SMAP1: variants seen among roughly 807,000 people sequenced by gnomAD.
SMAP1 encodes small ArfGAP 1.
A neutral mutation model predicts 58.5 loss-of-function variants in SMAP1; 24 were observed. The ratio of observed to expected loss-of-function variants is 0.41; its 90% CI spans 0.30 to 0.58. The LOEUF (loss-of-function observed/expected upper bound fraction) is 0.58. Ranked by LOEUF, SMAP1 falls within the 20% of genes least tolerant of loss-of-function variation. The pLI, the probability that SMAP1 is intolerant of heterozygous loss-of-function variation, is 0.29. For synonymous variants in SMAP1, 216 were observed against 196.6 expected, an observed-to-expected ratio of 1.10 and a Z score of -0.82; for missense variants, 563 against 566.3, an observed-to-expected ratio of 0.99 and a Z score of 0.06.
At chr6:70,790,075 A>G (rs1266371043) in intron 4 of SMAP1, among the ~76,000 whole-genome samples, 1 of 152,186 alleles carries the variant, frequency 6.6e-6, no homozygotes. Flanking sequence ...ACTTTTCATG[A>G]GCTTGGGCAA....
chr6:70,715,549 C>T (rs1054295371), intron 1 of SMAP1, among the ~76,000 whole-genome samples: 1 of 152,080 alleles, frequency 6.6e-6, no homozygotes, highest in Admixed American at 6.6e-5. Flanking sequence ...CTGATAATGC[C>T]TATATTGTGA....
chr6:70,698,387 G>A (rs887034591), intron 1 of SMAP1, among the ~76,000 whole-genome samples: 4 of 151,952 alleles, frequency 2.6e-5, no homozygotes, highest in East Asian at 3.9e-4. Context: ...GTCTTATTTC[G>A]GTTAAATCTG....
At chr6:70,674,871 AG>A (rs1766411824) in intron 1 of SMAP1, among the ~76,000 whole-genome samples, 1 of 152,184 alleles carries the variant, frequency 6.6e-6, no homozygotes, top group African/African-American at 2.4e-5. Context: ...GCTACTCGGG[AG>A]ACTGAGGCAG....
Position 70,773,445 on chromosome 6 carries a change from C to G in SMAP1, c.414+20C>G. 7.1e-7 allele frequency: 1 copy of G among 1,407,550 alleles called. No individual in the cohort carries two copies. The highest frequency in any genetic ancestry group is 9.8e-7 in the Non-Finnish European group (1 of 1,016,322). The allele number at this position is 1,407,550 out of a possible 1,614,324, so 87.2% of individuals were successfully genotyped here. ...ACAAATGTAAGTAAAACCTTCATCTCTCATCAATTGTTTGTTGACTAGATT... is the reference window on the plus strand; with the variant it reads ...ACAAATGTAAGTAAAACCTTCATCTGTCATCAATTGTTTGTTGACTAGATT... On this transcript the variant is annotated intron_variant, in intron 4 of 10. Transcript: ENST00000370455.
chr6:70,855,730 G>A (rs1764805015), intron 8 of SMAP1, among the ~76,000 whole-genome samples: 1 of 152,172 alleles, frequency 6.6e-6, no homozygotes, highest in South Asian at 2.1e-4. Flanking sequence ...ATGGGGGCAG[G>A]CTCTAGTCCT....
chr6:70,841,374 T>C (rs1402201561), intron 7 of SMAP1, among the ~76,000 whole-genome samples: 1 of 152,192 alleles, frequency 6.6e-6, no homozygotes, highest in African/African-American at 2.4e-5. Flanking sequence ...CAGAGTTGTA[T>C]GTGTCGGGTG....
intron 5 of SMAP1, among the ~76,000 whole-genome samples, chr6:70,795,004 G>T (rs1466147869): frequency 6.6e-6 from 1 of 151,920 alleles, no homozygotes; most frequent in Non-Finnish European, 1.5e-5. Flanking sequence ...TAGCCCGGAT[G>T]GTCTCGATTT....
chr6:70,741,797 G>C (rs576960818), intron 2 of SMAP1, among the ~76,000 whole-genome samples: 52 of 152,302 alleles, frequency 3.4e-4, no homozygotes, highest in African/African-American at 1.2e-3. Context: ...TGGACATCCA[G>C]GTATTTCCAT....
chr6:70,712,202 A>G (rs913324119), intron 1 of SMAP1, among the ~76,000 whole-genome samples: 4 of 152,200 alleles, frequency 2.6e-5, no homozygotes, highest in Non-Finnish European at 4.4e-5. Flanking sequence ...TGTGGCTTGT[A>G]TCATTCATTC....
At chr6:70,810,916 A>G (rs1582236005) in intron 6 of SMAP1, among the ~76,000 whole-genome samples, 1 of 151,948 alleles carries the variant, frequency 6.6e-6, no homozygotes, top group Admixed American at 6.6e-5. Flanking sequence ...AGCATAATTT[A>G]CCTTCCACTG....
At chr6:70,695,729 T>C (rs1767374536) in intron 1 of SMAP1, among the ~76,000 whole-genome samples, 1 of 152,142 alleles carries the variant, frequency 6.6e-6, no homozygotes, top group Non-Finnish European at 1.5e-5. Context: ...CATCAGGATA[T>C]TGGCTTCCTT....
chr6:70,756,050 AAT>A (rs1766476538), intron 3 of SMAP1, among the ~76,000 whole-genome samples: 1 of 152,038 alleles, frequency 6.6e-6, no homozygotes, highest in African/African-American at 2.4e-5. Context: ...AAAACATTTT[AAT>A]ATGTTTTTTA....
At position 70,732,380 on chromosome 6, in the gene SMAP1, C is replaced by A; in HGVS notation, c.121C>A (p.Pro41Thr). The A allele has an allele frequency of 6.2e-7, 1 of 1,602,426 alleles. No individual in the cohort carries two copies. The highest frequency in any genetic ancestry group is 1.1e-5 in the South Asian group (1 of 88,086). The stretch of plus-strand genomic sequence containing the variant: ...TGTGGTTTCTTCTTCTAAATTAGGT[C>A]CTCGATGGGCTTCCTGGAATATTGG... ...KYCADCEAKG[P>T]RWASWNIGVF... is the part of the protein sequence containing the mutation. The change falls in exon 2 of 11, where the codon CCT (proline) becomes ACT (threonine). Residue 41 changes from proline (P) to threonine (T), a missense_variant and splice_region_variant. Coordinates refer to ENST00000370455, the MANE Select transcript of SMAP1 (RefSeq NM_001044305.3).
intron 3 of SMAP1, chr6:70,759,822 A>T (rs879648366): frequency 1.2e-5 from 5 of 434,720 alleles, no homozygotes; most frequent in African/African-American, 2.0e-5. Flanking sequence ...TTGACGTTCG[A>T]CACAGTGAAG....
intron 6 of SMAP1, among the ~76,000 whole-genome samples, chr6:70,804,655 T>C (rs1002904112): frequency 2.0e-5 from 3 of 152,212 alleles, no homozygotes; most frequent in African/African-American, 7.2e-5. Context: ...TTTCCATGTT[T>C]AGTGCTTCCT....
At chr6:70,729,244 C>T (rs955809825) in intron 1 of SMAP1, among the ~76,000 whole-genome samples, 4 of 151,938 alleles carry the variant, frequency 2.6e-5, no homozygotes, top group African/African-American at 9.7e-5. Flanking sequence ...TCAAGACCAT[C>T]CTGGCTAACA....
chr6:70,807,098 A>G (rs766220760), intron 6 of SMAP1, among the ~76,000 whole-genome samples: 18 of 152,238 alleles, frequency 1.2e-4, no homozygotes, highest in African/African-American at 3.6e-4. Context: ...ATCCCATACT[A>G]TGCTAACTAG....
At chr6:70,717,152 C>T (rs950362628) in intron 1 of SMAP1, among the ~76,000 whole-genome samples, 1 of 152,142 alleles carries the variant, frequency 6.6e-6, no homozygotes, top group African/African-American at 2.4e-5. Flanking sequence ...TCTTGAGATG[C>T]AGGTGGGAAG....
At position 70,668,050 on chromosome 6, in the gene SMAP1, G is replaced by A. The variant is rs779102248; in HGVS notation, c.27G>A (p.Lys9=). Residue 9 remains lysine, a synonymous_variant, in exon 1 of 11, where the codon AAG becomes AAA. Transcript: ENST00000370455. MATRSCRE[K]AQKLNEQHQL... The stretch of plus-strand genomic sequence containing the variant: ...TGGCGACGCGCTCCTGTCGGGAGAA[G>A]GCTCAGAAGCTGAACGAGCAGCACC... The A allele has an allele frequency of 6.9e-6, 11 of 1,602,852 alleles. No homozygotes were observed. Among genetic ancestry groups the A allele is most frequent in the Non-Finnish European group, 9.4e-6 (11 of 1,175,572 alleles).
Sources: gnomAD v4.1 joint callset for allele counts (sites outside exome capture counted in the v4.1 genomes callset) on GRCh38, gnomAD v4.1.1 for gene constraint, MANE v1.5 for transcripts, NCBI Gene and HGNC (gene_info 2026-07-23, HGNC 2026-07-21) for gene names.